CNTN1: variants seen among roughly 807,000 people sequenced by gnomAD.
CNTN1 encodes contactin-1.
A neutral mutation model predicts 126.4 loss-of-function variants in CNTN1; 38 were observed. That is an observed-to-expected ratio of 0.30 (90% CI 0.23 to 0.39). The LOEUF is 0.39. Ranked by LOEUF, CNTN1 falls within the 10% of genes least tolerant of loss-of-function variation. The probability of loss-of-function intolerance (pLI) is 1.00; values close to 1 mark genes in which losing one functional copy is unlikely to be tolerated. For synonymous variants in CNTN1, 413 were observed against 422.6 expected, an observed-to-expected ratio of 0.98 and a Z score of 0.28; for missense variants, 1,009 against 1,248.4, an observed-to-expected ratio of 0.81 and a Z score of 2.89.
chr12:40,949,016 G>T (rs1307208537), intron 14 of CNTN1, among the ~76,000 whole-genome samples: 2 of 152,088 alleles, frequency 1.3e-5, no homozygotes, highest in South Asian at 2.1e-4. Flanking sequence ...GAAGAAGACA[G>T]ATTTCTCACC....
At chr12:40,712,031 T>C (rs1941926208) in intron 1 of CNTN1, among the ~76,000 whole-genome samples, 1 of 152,146 alleles carries the variant, frequency 6.6e-6, no homozygotes, top group African/African-American at 2.4e-5. Flanking sequence ...CAAATTTCTT[T>C]AAACATTCAT....
At chr12:40,930,867 C>G in intron 7 of CNTN1, among the ~76,000 whole-genome samples, 1 of 151,958 alleles carries the variant, frequency 6.6e-6, no homozygotes, top group Non-Finnish European at 1.5e-5. Context: ...CTTTCTGGCT[C>G]ATTTTTCTTT....
intron 23 of CNTN1, among the ~76,000 whole-genome samples, chr12:41,047,957 G>A (rs1949583098): frequency 6.6e-6 from 1 of 152,038 alleles, no homozygotes; most frequent in Non-Finnish European, 1.5e-5. Flanking sequence ...TCTGACCACT[G>A]TCTGTGTCCC....
intron 23 of CNTN1, among the ~76,000 whole-genome samples, chr12:41,046,264 T>C (rs1473622426): frequency 6.6e-6 from 1 of 152,144 alleles, no homozygotes; most frequent in Non-Finnish European, 1.5e-5. Context: ...ATTTGAGGGA[T>C]TTCTGAAACT....
chr12:40,916,934 C>A (rs1945266596), intron 3 of CNTN1, among the ~76,000 whole-genome samples: 1 of 151,654 alleles, frequency 6.6e-6, no homozygotes. Context: ...TGGAATATGT[C>A]TGAGGTCTAT....
chr12:41,043,639 C>T (rs1949473147), intron 23 of CNTN1, among the ~76,000 whole-genome samples: 2 of 152,176 alleles, frequency 1.3e-5, no homozygotes, highest in Middle Eastern at 3.4e-3. Flanking sequence ...CCCAGCCATC[C>T]CATTACTGGG....
intron 4 of CNTN1, among the ~76,000 whole-genome samples, chr12:40,921,217 A>C (rs917426580): frequency 6.6e-6 from 1 of 152,194 alleles, no homozygotes; most frequent in African/African-American, 2.4e-5. Flanking sequence ...TTGATTTGAC[A>C]ACAGATATTC....
chr12:40,883,386 T>A (rs1366573609), intron 1 of CNTN1, among the ~76,000 whole-genome samples: 2 of 151,550 alleles, frequency 1.3e-5, no homozygotes, highest in Non-Finnish European at 3.0e-5. Flanking sequence ...GAAATGCAAA[T>A]GTATTTCTCC....
chr12:40,772,649 C>T (rs1939386699), intron 1 of CNTN1, among the ~76,000 whole-genome samples: 1 of 151,802 alleles, frequency 6.6e-6, no homozygotes, highest in South Asian at 2.1e-4. Context: ...TTGATAATTT[C>T]AAAATGAATA....
intron 1 of CNTN1, among the ~76,000 whole-genome samples, chr12:40,795,299 ACACACACACACACACACACATTT>A (rs1565746379): frequency 5.3e-5 from 6 of 113,854 alleles, no homozygotes; most frequent in Non-Finnish European, 1.1e-4. Flanking sequence ...ACACACACAC[ACACACACACACACACACACATTT>A]TTTTTTTTTT....
intron 1 of CNTN1, among the ~76,000 whole-genome samples, chr12:40,700,160 G>A (rs1941558742): frequency 6.6e-6 from 1 of 151,888 alleles, no homozygotes. Flanking sequence ...TTGTTTTGAA[G>A]TATTTGCCTT....
At chr12:40,739,310 A>C (rs926523883) in intron 1 of CNTN1, among the ~76,000 whole-genome samples, 1 of 152,100 alleles carries the variant, frequency 6.6e-6, no homozygotes, top group Non-Finnish European at 1.5e-5. Flanking sequence ...TTAAAAAGCT[A>C]GTTGCAGAAT....
intron 17 of CNTN1, among the ~76,000 whole-genome samples, chr12:40,993,854 G>A (rs529143593): frequency 2.0e-5 from 3 of 152,108 alleles, no homozygotes; most frequent in African/African-American, 7.2e-5. Flanking sequence ...AGTTACATGC[G>A]AACCACTGAT....
At chr12:40,806,461 T>C (rs935075018) in intron 1 of CNTN1, among the ~76,000 whole-genome samples, 2 of 152,142 alleles carry the variant, frequency 1.3e-5, no homozygotes, top group African/African-American at 4.8e-5. Context: ...TCATAAAGTG[T>C]TTCTTTTGTA....
rs200005433 is a variant in CNTN1, at chr12:40,880,827, C to CT, written c.-76-27521dup. On this transcript the variant is annotated intron_variant, in intron 1 of 23. Coordinates refer to ENST00000551295, the MANE Select transcript of CNTN1 (RefSeq NM_001843.4). ...TATTTTCTTCTCAGGCTCCATGACA[C>CT]TTTTTTTTTCAGTTTTAGGCTTATA... Among the ~76,000 whole-genome samples, 303 of 151,216 alleles carry CT rather than the reference C, an allele frequency of 2.0e-3. 2 individuals are homozygous for CT. Among genetic ancestry groups the CT allele is most frequent in the Non-Finnish European group, 2.7e-3 (185 of 67,608 alleles).
At chr12:40,902,721 A>T (rs1489826311) in intron 1 of CNTN1, among the ~76,000 whole-genome samples, 14 of 152,238 alleles carry the variant, frequency 9.2e-5, no homozygotes. Context: ...ATGATGGAAC[A>T]CACTTTCATT....
intron 15 of CNTN1, among the ~76,000 whole-genome samples, chr12:40,961,525 C>T (rs1234766315): frequency 1.3e-5 from 2 of 151,772 alleles, no homozygotes; most frequent in Non-Finnish European, 2.9e-5. Flanking sequence ...ACTTTTGTAT[C>T]TAGTTCAGGA....
chr12:40,744,814 G>A (rs1938112708), intron 1 of CNTN1, among the ~76,000 whole-genome samples: 1 of 152,010 alleles, frequency 6.6e-6, no homozygotes, highest in Non-Finnish European at 1.5e-5. Context: ...GAGATCTTTT[G>A]GTGCAAGAAC....
chr12:40,836,735 C>T (rs1942074590), intron 1 of CNTN1, among the ~76,000 whole-genome samples: 1 of 152,124 alleles, frequency 6.6e-6, no homozygotes, highest in Non-Finnish European at 1.5e-5. Flanking sequence ...ATGGTGTTGA[C>T]TGTAAACTTC....
Sources: allele counts gnomAD v4.1 joint callset (sites outside exome capture counted in the v4.1 genomes callset), GRCh38; gene constraint gnomAD v4.1.1; transcripts MANE v1.5; gene names NCBI Gene and HGNC (gene_info 2026-07-23, HGNC 2026-07-21).